Variants in LIN54 observed in about 807,000 individuals in gnomAD.
LIN54 encodes protein lin-54 homolog.
LIN54 carries 9 observed loss-of-function variants against 78.7 expected under a neutral mutation model. The ratio of observed to expected loss-of-function variants is 0.11; its 90% CI spans 0.07 to 0.20. LIN54 has a LOEUF of 0.20. Ranked by LOEUF, LIN54 falls within the 10% of genes least tolerant of loss-of-function variation. The probability of loss-of-function intolerance (pLI) is 1.00; values close to 1 mark genes in which losing one functional copy is unlikely to be tolerated. For missense variants in LIN54, 573 were observed against 889.9 expected (o/e 0.64, Z 4.53); for synonymous variants, 269 against 318.4 (o/e 0.84, Z 1.65).
chr4:82,966,509 G>C (rs543016385), intron 4 of LIN54, among the ~76,000 whole-genome samples: 1 of 151,578 alleles, frequency 6.6e-6, no homozygotes, highest in South Asian at 2.1e-4. Flanking sequence ...GAGAATGCCA[G>C]GGCTTTACAT....
Position 82,926,814 on chromosome 4 carries a change from G to A in LIN54, c.*1288C>T, listed in dbSNP as rs936008413. On this transcript the variant is annotated 3_prime_UTR_variant, in exon 13 of 13. Transcript: ENST00000340417. ...TAGGAGGCCCATTTCTGTAAATCAA[G>A]TAAGAGTTGCGATTTGGTTTGAAAC... is the stretch of plus-strand genomic sequence containing the variant. 6.6e-6 allele frequency: 1 copy of A among 152,148 alleles called. No homozygotes were observed. Among genetic ancestry groups the A allele is most frequent in the Non-Finnish European group, 1.5e-5 (1 of 68,018 alleles). The allele number at this position is 152,148 out of a possible 1,614,324, so 9.4% of individuals were successfully genotyped here.
At chr4:82,977,206 A>C (rs1726234871) in intron 3 of LIN54, among the ~76,000 whole-genome samples, 1 of 152,186 alleles carries the variant, frequency 6.6e-6, no homozygotes, top group African/African-American at 2.4e-5. Flanking sequence ...TCAAAACAGT[A>C]AAGAACATCC....
chr4:83,004,170 G>A (rs939025899), intron 1 of LIN54, among the ~76,000 whole-genome samples: 11 of 152,022 alleles, frequency 7.2e-5, no homozygotes, highest in Non-Finnish European at 7.4e-5. Flanking sequence ...GGCTGAGGTG[G>A]ACAGATTGCG....
At chr4:82,936,661 A>G (rs1289969534) in intron 9 of LIN54, among the ~76,000 whole-genome samples, 1 of 122,972 alleles carries the variant, frequency 8.1e-6, no homozygotes, top group African/African-American at 3.1e-5. Flanking sequence ...AAATTATATA[A>G]ATTATATGTC....
At chr4:82,944,576 A>T (rs11942544) in intron 5 of LIN54, among the ~76,000 whole-genome samples, 149,194 of 152,252 alleles carry the variant, frequency 0.98, 73,155 homozygotes, top group East Asian at 1. Context: ...GCTTGCTATG[A>T]CTAATTTAAT....
At chr4:82,960,077 A>G (rs1724663373) in intron 4 of LIN54, among the ~76,000 whole-genome samples, 1 of 152,194 alleles carries the variant, frequency 6.6e-6, no homozygotes, top group African/African-American at 2.4e-5. Context: ...TTTTACCAAA[A>G]CATATCAAAT....
In LIN54 at chr4:82,928,311, G is replaced by T. The variant is rs1423518334; in HGVS notation, c.2049-8C>A. 6.2e-7 allele frequency: 1 copy of T among 1,609,076 alleles called. No homozygotes were observed. The highest frequency in any genetic ancestry group is 1.6e-4 in the Middle Eastern group (1 of 6,080). ...ACAAATGTAAATGGCAATCTGAAAT[G>T]ATTTTTGAAAGAGAAAGATGATGGT... On this transcript the variant is annotated splice_polypyrimidine_tract_variant and splice_region_variant and intron_variant, in intron 12 of 12. Transcript: ENST00000340417.
chr4:82,978,909 G>C lies in LIN54; in HGVS notation c.782C>G (p.Thr261Ser), dbSNP rs1726388866. ...INSKAVTGQT[T>S]QVSPPVIAGR... ...TGCAATAACTGGTGGTGAAACTTGA[G>C]TTGTCTGTCCTGTAACTGCTTTACT... Residue 261 changes from threonine (T) to serine (S), a missense_variant, in exon 3 of 13, where the codon ACT (threonine) becomes AGT (serine). By Grantham distance (58) the Thr-to-Ser change is moderately conservative (BLOSUM62 1). This residue lies in a region of LIN54 where 199 missense variants were observed against 260.9 expected (regional missense o/e 0.76). Transcript: ENST00000340417. 3 of 1,567,402 alleles carry C rather than the reference G, an allele frequency of 1.9e-6. No homozygotes were observed. Among genetic ancestry groups the C allele is most frequent in the Non-Finnish European group, 2.6e-6 (3 of 1,143,192 alleles).
At chr4:82,947,229 A>T (rs1349126926) in intron 4 of LIN54, among the ~76,000 whole-genome samples, 1,305 of 20,566 alleles carry the variant, frequency 0.063, 79 homozygotes, top group African/African-American at 0.22. Context: ...ATATATATAT[A>T]TATATATTTT....
chr4:82,950,732 T>C (rs1723783364), intron 4 of LIN54, among the ~76,000 whole-genome samples: 1 of 152,200 alleles, frequency 6.6e-6, no homozygotes, highest in African/African-American at 2.4e-5. Context: ...CTTTTTGTAC[T>C]ATTTTCTAAG....
Position 82,928,145 on chromosome 4 carries a change from G to A in LIN54, c.2207C>T (p.Ser736Phe). Residue 736 changes from serine to phenylalanine, a missense_variant, in exon 13 of 13, where the codon TCT (serine) becomes TTT (phenylalanine). Physicochemically the swap from Ser to Phe is radical, Grantham distance 155 (BLOSUM62 -2). Coordinates refer to ENST00000340417, the MANE Select transcript of LIN54 (RefSeq NM_194282.4). ...AGGGTCACTTTTTGCCTTTCCTGCA[G>A]AGTTGATGACACTCATCAAACATCG... ...FGRCLMSVIN[S>F]AGKAKSDPCA... 1 of 1,614,250 alleles carries A rather than the reference G, an allele frequency of 6.2e-7. No homozygotes were observed. Among genetic ancestry groups the A allele is most frequent in the Non-Finnish European group, 8.5e-7 (1 of 1,180,042 alleles).
chr4:83,001,897 G>A (rs796469354), intron 1 of LIN54, among the ~76,000 whole-genome samples: 2,581 of 3,098 alleles, frequency 0.83, 1,164 homozygotes, highest in South Asian at 0.95. Flanking sequence ...GAAGGAAGGA[G>A]GGAGGGAGGG....
intron 11 of LIN54, among the ~76,000 whole-genome samples, chr4:82,932,657 T>TAA (rs780756470): frequency 7.5e-6 from 1 of 132,700 alleles, no homozygotes. Context: ...CATCTCTCTT[T>TAA]AAAAAAAAAA....
At position 82,927,234 on chromosome 4, in the gene LIN54, C is replaced by CT. The variant is rs1406231384; in HGVS notation, c.*867dup. 4.6e-5 allele frequency: 7 copies of CT among 151,346 alleles called. No individual in the cohort carries two copies. The highest frequency in any genetic ancestry group is 1.0e-4 in the Non-Finnish European group (7 of 67,900). The allele number at this position is 151,346 out of a possible 1,614,324, so 9.4% of individuals were successfully genotyped here. ...ATTCATCTTTTGCAGCTTCCCTATT[C>CT]TTTGTTTCTCCACCCATGCCAAATT... On this transcript the variant is annotated 3_prime_UTR_variant, in exon 13 of 13. Transcript: ENST00000340417.
At chr4:82,970,516 T>C (rs1435103741) in intron 3 of LIN54, 47 bp from the exon 4 acceptor site, 97 of 1,531,436 alleles carry the variant, frequency 6.3e-5, no homozygotes, top group Middle Eastern at 1.7e-4. Flanking sequence ...TCAATAATAG[T>C]ATAAAAATTT....
chr4:82,976,551 T>C (rs1239355164), intron 3 of LIN54, among the ~76,000 whole-genome samples: 2 of 151,926 alleles, frequency 1.3e-5, no homozygotes, highest in Admixed American at 6.6e-5. Flanking sequence ...CTACTAAAAA[T>C]ACAAAAATTA....
chr4:82,940,085 C>A, intron 5 of LIN54, 123 bp from the exon 6 acceptor site: 1 of 711,994 alleles, frequency 1.4e-6, no homozygotes, highest in Non-Finnish European at 2.3e-6. Context: ...CCATTTGATT[C>A]CTAATTTGAG....
chr4:82,969,934 A>G (rs576674968), intron 4 of LIN54, among the ~76,000 whole-genome samples: 16 of 102,874 alleles, frequency 1.6e-4, no homozygotes, highest in Admixed American at 3.7e-4. Context: ...GTTACCAAGC[A>G]AAAGTTCAGA....
intron 8 of LIN54, among the ~76,000 whole-genome samples, chr4:82,937,515 CT>C (rs1208303982): frequency 6.6e-6 from 1 of 152,144 alleles, no homozygotes; most frequent in Non-Finnish European, 1.5e-5. Context: ...TCTATTTACA[CT>C]AGGTTCAAAG....
Sources: allele counts gnomAD v4.1 joint callset (sites outside exome capture counted in the v4.1 genomes callset), GRCh38; gene constraint gnomAD v4.1.1; regional missense constraint gnomAD v4.1.1; transcripts MANE v1.5; gene names NCBI Gene and HGNC (gene_info 2026-07-23, HGNC 2026-07-21).